CTNNA2: variants seen among roughly 807,000 people sequenced by gnomAD.
CTNNA2 encodes the protein catenin alpha 2, also known as catenin alpha-2.
In CTNNA2, 42 loss-of-function variants were observed where a neutral mutation model predicts 101.0. The ratio of observed to expected loss-of-function variants is 0.42; its 90% CI spans 0.32 to 0.54. CTNNA2 has a LOEUF of 0.54. Ranked by LOEUF, CTNNA2 falls within the 20% of genes least tolerant of loss-of-function variation. The pLI is 0.14. For missense variants in CTNNA2, 871 were observed against 1,223.1 expected (o/e 0.71, Z 4.29); for synonymous variants, 450 against 456.4 (o/e 0.99, Z 0.18).
chr2:79,453,655 G>GTA (rs1165895805), intron 4 of CTNNA2, among the ~76,000 whole-genome samples: 4 of 151,980 alleles, frequency 2.6e-5, no homozygotes, highest in Non-Finnish European at 4.4e-5. Context: ...AGGACAAACA[G>GTA]TATATATATA....
At chr2:79,709,060 G>A (rs1272145735) in intron 2 of CTNNA2, among the ~76,000 whole-genome samples, 1 of 152,162 alleles carries the variant, frequency 6.6e-6, no homozygotes, top group African/African-American at 2.4e-5. Context: ...GAATAAAATT[G>A]AAAAGTAAGA....
intron 7 of CTNNA2, among the ~76,000 whole-genome samples, chr2:80,202,742 A>G (rs1166653841): frequency 6.6e-6 from 1 of 151,502 alleles, no homozygotes. Flanking sequence ...AAAAAAAAAA[A>G]GAAAAAGACA....
intron 7 of CTNNA2, among the ~76,000 whole-genome samples, chr2:80,070,807 A>T (rs1469947683): frequency 2.0e-5 from 3 of 147,612 alleles, no homozygotes; most frequent in Non-Finnish European, 4.5e-5. Flanking sequence ...CTAGGGGGGA[A>T]TCTCATCTCC....
chr2:79,493,172 C>T (rs1455232891), intron 4 of CTNNA2, among the ~76,000 whole-genome samples: 2 of 146,728 alleles, frequency 1.4e-5, no homozygotes, highest in Admixed American at 1.4e-4. Context: ...GAAATTCTAA[C>T]CAAGACAAAG....
chr2:80,341,137 T>C (rs1005815948), intron 7 of CTNNA2, among the ~76,000 whole-genome samples: 1 of 152,172 alleles, frequency 6.6e-6, no homozygotes, highest in Non-Finnish European at 1.5e-5. Context: ...TTGGAAGTTC[T>C]CTGAACCTTG....
intron 2 of CTNNA2, among the ~76,000 whole-genome samples, chr2:79,659,795 G>A (rs1166571426): frequency 2.0e-5 from 3 of 152,120 alleles, no homozygotes; most frequent in Admixed American, 6.6e-5. Context: ...CCAGGAGTTC[G>A]AGACCAACCT....
chr2:80,051,543 T>C (rs1364474938), intron 7 of CTNNA2, among the ~76,000 whole-genome samples: 1 of 152,196 alleles, frequency 6.6e-6, no homozygotes, highest in Non-Finnish European at 1.5e-5. Flanking sequence ...CACATTTGTC[T>C]ATAAATTTAC....
chr2:80,301,927 A>G lies in CTNNA2; in HGVS notation c.1057-91284A>G, dbSNP rs2290170. On this transcript the variant is annotated intron_variant, in intron 7 of 18. Coordinates refer to ENST00000402739, the MANE Select transcript of CTNNA2 (RefSeq NM_001282597.3). Reference sequence around the variant, plus strand: ...AACATTTTAGTTTACAAAAAAAAAAAAAATCAATGATTGGTACCTTTTTTA... The same window carrying G: ...AACATTTTAGTTTACAAAAAAAAAAGAAATCAATGATTGGTACCTTTTTTA... The G allele has an allele frequency of 2.5e-4, 56 of 219,842 alleles. 3 individuals are homozygous for G. In the East Asian group the frequency reaches 5.5e-3, roughly 22 times the overall value. The allele number at this position is 219,842 out of a possible 1,614,324, so 13.6% of individuals were successfully genotyped here.
chr2:79,480,204 G>A (rs527920693), intron 4 of CTNNA2, among the ~76,000 whole-genome samples: 48 of 152,118 alleles, frequency 3.2e-4, no homozygotes, highest in African/African-American at 1.1e-3. Flanking sequence ...AAGAACTCAC[G>A]TAGTTCCCTC....
At chr2:80,431,014 A>T in intron 9 of CTNNA2, among the ~76,000 whole-genome samples, 1 of 152,158 alleles carries the variant, frequency 6.6e-6, no homozygotes, top group East Asian at 1.9e-4. Flanking sequence ...ATGATGTGGT[A>T]TGTAAGAGCA....
At chr2:79,941,983 T>G (rs894547884) in intron 7 of CTNNA2, among the ~76,000 whole-genome samples, 1 of 152,206 alleles carries the variant, frequency 6.6e-6, no homozygotes, top group African/African-American at 2.4e-5. Flanking sequence ...AATTCTCATA[T>G]TGTAATTAAT....
intron 7 of CTNNA2, among the ~76,000 whole-genome samples, chr2:80,374,052 G>A (rs1400069661): frequency 1.4e-5 from 2 of 143,878 alleles, no homozygotes; most frequent in Non-Finnish European, 3.0e-5. Flanking sequence ...CAAAGACTGG[G>A]AAACTTTAAA....
At chr2:80,358,888 A>C (rs1288547607) in intron 7 of CTNNA2, among the ~76,000 whole-genome samples, 1 of 152,128 alleles carries the variant, frequency 6.6e-6, no homozygotes, top group Non-Finnish European at 1.5e-5. Context: ...ATTAAAAAAA[A>C]ACATGAAGAG....
intron 9 of CTNNA2, among the ~76,000 whole-genome samples, chr2:80,526,210 CT>C (rs1299953165): frequency 6.6e-6 from 1 of 151,658 alleles, no homozygotes; most frequent in Admixed American, 6.6e-5. Context: ...TTTTTCTTTT[CT>C]TTTTTTGAGA....
chr2:79,627,808 T>C (rs1679417671), intron 1 of CTNNA2, among the ~76,000 whole-genome samples: 1 of 152,222 alleles, frequency 6.6e-6, no homozygotes, highest in Non-Finnish European at 1.5e-5. Context: ...GACTACACTT[T>C]ATGAAAGGGT....
intron 2 of CTNNA2, among the ~76,000 whole-genome samples, chr2:79,232,865 T>C (rs1049623698): frequency 1.2e-4 from 18 of 152,192 alleles, no homozygotes; most frequent in African/African-American, 4.3e-4. Flanking sequence ...ATTTCGTATT[T>C]GCATGGAATT....
At chr2:79,576,561 A>C (rs922798457) in intron 1 of CTNNA2, among the ~76,000 whole-genome samples, 4 of 152,120 alleles carry the variant, frequency 2.6e-5, no homozygotes, top group Non-Finnish European at 4.4e-5. Context: ...TGAGGCTCAT[A>C]TATTTAAGTG....
At chr2:79,868,988 TA>T (rs1682367898) in intron 4 of CTNNA2, among the ~76,000 whole-genome samples, 1 of 152,246 alleles carries the variant, frequency 6.6e-6, no homozygotes, top group Non-Finnish European at 1.5e-5. Context: ...TGGTATAACT[TA>T]AAGGTTTACC....
chr2:80,508,113 C>G (rs1688414965), intron 9 of CTNNA2, among the ~76,000 whole-genome samples: 1 of 152,072 alleles, frequency 6.6e-6, no homozygotes, highest in African/African-American at 2.4e-5. Context: ...AAGTTAACTC[C>G]CAACTTTTAC....
Sources: gnomAD v4.1 joint callset for allele counts (sites outside exome capture counted in the v4.1 genomes callset) on GRCh38, gnomAD v4.1.1 for gene constraint, MANE v1.5 for transcripts, NCBI Gene and HGNC (gene_info 2026-07-23, HGNC 2026-07-21) for gene names.